The following MBD5 variants were observed in gnomAD, a reference collection of about 807,000 sequenced individuals.
MBD5 encodes the protein methyl-CpG binding domain protein 5, also known as methyl-CpG-binding domain protein 5.
MBD5 carries 13 observed loss-of-function variants against 117.3 expected under a neutral mutation model. The observed-to-expected ratio is 0.11, with a 90% confidence interval of 0.07 to 0.18. The LOEUF is 0.18. Among genes scored for constraint, MBD5 ranks in the 10% least tolerant of loss-of-function variants. MBD5 has a pLI of 1.00. For missense variants in MBD5, 1,879 were observed against 2,093.8 expected, an observed-to-expected ratio of 0.90 and a Z score of 2.00; for synonymous variants, 727 against 766.4, an observed-to-expected ratio of 0.95 and a Z score of 0.85.
chr2:148,428,023 G>C (rs554363739), intron 4 of MBD5, among the ~76,000 whole-genome samples: 21 of 152,188 alleles, frequency 1.4e-4, no homozygotes, highest in Admixed American at 3.9e-4. Context: ...AGAAATAAAG[G>C]GTATTTGAAT....
At position 148,300,158 on chromosome 2, in the gene MBD5, A is replaced by G. The variant is rs1425686024; in HGVS notation, c.-679-42056A>G. Among the ~76,000 whole-genome samples the G allele has an allele frequency of 2.0e-5, 3 of 151,972 alleles. No individual in the cohort carries two copies. In the East Asian group the frequency reaches 5.8e-4, roughly 29 times the overall value. ...TAACCTCCGCCTCCCAGGTTCGAGC[A>G]ATTCCCCTGCCTCAGCCTCCCAAGT... On this transcript the variant is annotated intron_variant, in intron 3 of 13. Coordinates refer to ENST00000642680, the MANE Select transcript of MBD5 (RefSeq NM_001378120.1).
intron 1 of MBD5, among the ~76,000 whole-genome samples, chr2:148,068,748 G>A (rs998825956): frequency 6.6e-6 from 1 of 152,082 alleles, no homozygotes. Flanking sequence ...GGTGATAATT[G>A]TAACTAATTA....
chr2:148,390,482 T>C (rs1243845185), intron 4 of MBD5, among the ~76,000 whole-genome samples: 2 of 148,656 alleles, frequency 1.3e-5, no homozygotes, highest in East Asian at 1.9e-4. Context: ...TATATATAAG[T>C]ATATATATGT....
intron 1 of MBD5, among the ~76,000 whole-genome samples, chr2:148,100,665 TG>T (rs1303118798): frequency 6.6e-6 from 1 of 152,246 alleles, no homozygotes; most frequent in African/African-American, 2.4e-5. Flanking sequence ...CTGTGCCATA[TG>T]TTCTCTCCTC....
chr2:148,335,286 T>C (rs1284161854), intron 3 of MBD5, among the ~76,000 whole-genome samples: 4 of 151,930 alleles, frequency 2.6e-5, no homozygotes, highest in African/African-American at 9.7e-5. Context: ...GAGGCTTAGG[T>C]GAGAGGGTGG....
chr2:148,382,223 A>T (rs940332546), intron 4 of MBD5, among the ~76,000 whole-genome samples: 1 of 151,838 alleles, frequency 6.6e-6, no homozygotes, highest in Non-Finnish European at 1.5e-5. Flanking sequence ...TCACGTGCAG[A>T]GACACACATA....
chr2:148,116,939 T>TATGATGAACTGGTAGA (rs1696654357), intron 1 of MBD5, among the ~76,000 whole-genome samples: 1 of 152,184 alleles, frequency 6.6e-6, no homozygotes, highest in Non-Finnish European at 1.5e-5. Flanking sequence ...TGATTAAGTG[T>TATGATGAACTGGTAGA]ATGATGAACT....
intron 4 of MBD5, among the ~76,000 whole-genome samples, chr2:148,400,080 G>A (rs540752755): frequency 1.4e-4 from 22 of 152,030 alleles, no homozygotes; most frequent in East Asian, 1.2e-3. Context: ...GGATTTTTGC[G>A]TCGATGTTCA....
chr2:148,207,550 G>A (rs891708890), intron 2 of MBD5, among the ~76,000 whole-genome samples: 4 of 151,914 alleles, frequency 2.6e-5, no homozygotes, highest in African/African-American at 7.3e-5. Flanking sequence ...CAGATCATTC[G>A]AGGGTGGGAG....
At chr2:148,482,595 A>G (rs956643755) in intron 8 of MBD5, among the ~76,000 whole-genome samples, 1 of 152,168 alleles carries the variant, frequency 6.6e-6, no homozygotes, top group Non-Finnish European at 1.5e-5. Flanking sequence ...CTTCACAGGT[A>G]CTTTTTATTT....
chr2:148,337,593 G>A (rs997499888), intron 3 of MBD5, among the ~76,000 whole-genome samples: 1 of 152,086 alleles, frequency 6.6e-6, no homozygotes, highest in African/African-American at 2.4e-5. Flanking sequence ...GGAATGAAGA[G>A]ACAGATGGCT....
intron 3 of MBD5, among the ~76,000 whole-genome samples, chr2:148,300,124 A>C (rs1701747145): frequency 2.6e-5 from 4 of 151,858 alleles, no homozygotes; most frequent in Admixed American, 2.0e-4. Context: ...GCACGATCTC[A>C]GCTCACTGTA....
chr2:148,123,996 A>C (rs1297282940), intron 1 of MBD5, among the ~76,000 whole-genome samples: 1 of 152,208 alleles, frequency 6.6e-6, no homozygotes, highest in Admixed American at 6.5e-5. Context: ...TTAAAAAATC[A>C]CTGCAGGTCA....
intron 12 of MBD5, among the ~76,000 whole-genome samples, chr2:148,505,959 A>G (rs1315276794): frequency 1.3e-5 from 2 of 152,156 alleles, no homozygotes; most frequent in Non-Finnish European, 2.9e-5. Context: ...TATAACATAG[A>G]TAATATAGAG....
chr2:148,363,191 C>T (rs187192156), intron 4 of MBD5, among the ~76,000 whole-genome samples: 185 of 152,206 alleles, frequency 1.2e-3, no homozygotes, highest in African/African-American at 4.1e-3. Flanking sequence ...CACACTCCTC[C>T]GAGCTAAAGG....
At chr2:148,183,991 A>G (rs1160582149) in intron 2 of MBD5, among the ~76,000 whole-genome samples, 1 of 151,070 alleles carries the variant, frequency 6.6e-6, no homozygotes, top group Non-Finnish European at 1.5e-5. Flanking sequence ...GGCCTGTTCA[A>G]CTCCATCATT....
chr2:148,328,910 T>G (rs1702553361), intron 3 of MBD5, among the ~76,000 whole-genome samples: 2 of 152,250 alleles, frequency 1.3e-5, no homozygotes, highest in Admixed American at 1.3e-4. Context: ...AAGTTATCTT[T>G]AATTCAAGAA....
At chr2:148,237,322 A>G (rs765794436) in intron 3 of MBD5, among the ~76,000 whole-genome samples, 72 of 152,334 alleles carry the variant, frequency 4.7e-4, no homozygotes, top group Admixed American at 7.8e-4. Context: ...GGCTTTTGAC[A>G]TGTCTTCCTT....
chr2:148,305,001 C>T (rs1384489944), intron 3 of MBD5, among the ~76,000 whole-genome samples: 2 of 150,850 alleles, frequency 1.3e-5, no homozygotes, highest in Admixed American at 1.3e-4. Flanking sequence ...GGAGGCGGAG[C>T]TTGCAGTGAG....
Sources: allele counts gnomAD v4.1 joint callset (sites outside exome capture counted in the v4.1 genomes callset), GRCh38; gene constraint gnomAD v4.1.1; transcripts MANE v1.5; gene names NCBI Gene and HGNC (gene_info 2026-07-23, HGNC 2026-07-21).